Variants in SORCS3 observed in about 807,000 individuals in gnomAD.
SORCS3 encodes the protein VPS10 domain-containing receptor SorCS3.
Under a neutral mutation model 146.3 loss-of-function variants are expected in SORCS3, and 57 were observed. The observed-to-expected ratio is 0.39, with a 90% CI of 0.31 to 0.49. SORCS3 has a LOEUF of 0.49. Among genes scored for constraint, SORCS3 ranks in the 20% least tolerant of loss-of-function variants. The pLI, the probability that SORCS3 is intolerant of heterozygous loss-of-function variation, is 0.92. For synonymous variants in SORCS3, 653 were observed against 618.5 expected (o/e 1.06, Z -0.83); for missense variants, 1,341 against 1,575.5 (o/e 0.85, Z 2.52).
At chr10:104,753,347 T>C (rs990604907) in intron 1 of SORCS3, among the ~76,000 whole-genome samples, 1 of 152,212 alleles carries the variant, frequency 6.6e-6, no homozygotes, top group African/African-American at 2.4e-5. Context: ...AATGTTCGTG[T>C]CAAGAAATAT....
At chr10:105,213,893 G>A (rs1208802259) in intron 17 of SORCS3, among the ~76,000 whole-genome samples, 2 of 152,140 alleles carry the variant, frequency 1.3e-5, no homozygotes, top group East Asian at 3.9e-4. Flanking sequence ...AAACAGCCCA[G>A]TGGCTCCACA....
At chr10:105,097,737 C>G (rs980650841) in intron 6 of SORCS3, among the ~76,000 whole-genome samples, 5 of 152,056 alleles carry the variant, frequency 3.3e-5, no homozygotes, top group Non-Finnish European at 7.4e-5. Flanking sequence ...GTTCAATGAA[C>G]AAAGCAGTAA....
intron 8 of SORCS3, among the ~76,000 whole-genome samples, chr10:105,140,297 C>T (rs115484627): frequency 2.4e-4 from 37 of 152,122 alleles, no homozygotes; most frequent in African/African-American, 8.9e-4. Context: ...TTTCCTACCC[C>T]CAGTTGTTAT....
chr10:104,861,246 T>C (rs752863221), intron 2 of SORCS3, among the ~76,000 whole-genome samples: 14 of 152,204 alleles, frequency 9.2e-5, no homozygotes, highest in Non-Finnish European at 1.5e-4. Flanking sequence ...TGGGAGTCTC[T>C]GTACAGAGAA....
chr10:104,921,515 G>C (rs1302738863), intron 3 of SORCS3, among the ~76,000 whole-genome samples: 7 of 151,838 alleles, frequency 4.6e-5, no homozygotes, highest in Admixed American at 6.6e-5. Context: ...GTGTGTGTGT[G>C]TGTGTGTGTG....
chr10:105,102,853 G>A (rs1176097416), intron 6 of SORCS3, among the ~76,000 whole-genome samples: 1 of 140,112 alleles, frequency 7.1e-6, no homozygotes, highest in South Asian at 2.3e-4. Flanking sequence ...ACCGTGGCGC[G>A]ATCTCGGCTC....
chr10:105,256,345 G>C (rs1180867980), intron 24 of SORCS3, among the ~76,000 whole-genome samples: 1 of 152,180 alleles, frequency 6.6e-6, no homozygotes, highest in East Asian at 1.9e-4. Context: ...TTATTAAATG[G>C]TTCTTAATAA....
chr10:104,863,933 A>C (rs1284974760), intron 2 of SORCS3, among the ~76,000 whole-genome samples: 1 of 152,224 alleles, frequency 6.6e-6, no homozygotes, highest in Non-Finnish European at 1.5e-5. Flanking sequence ...ATTTTGAAGC[A>C]GTTGCCAGAT....
chr10:104,738,720 G>A (rs1430005616), intron 1 of SORCS3, among the ~76,000 whole-genome samples: 5 of 152,154 alleles, frequency 3.3e-5, no homozygotes, highest in African/African-American at 9.7e-5. Context: ...TGGCTTTCAG[G>A]TCACAGACAA....
intron 7 of SORCS3, among the ~76,000 whole-genome samples, chr10:105,122,221 T>C (rs996416363): frequency 2.0e-5 from 3 of 152,200 alleles, no homozygotes; most frequent in African/African-American, 7.2e-5. Context: ...TTAGAGTATA[T>C]CTCTATGATT....
chr10:104,766,264 G>A (rs1236531509), intron 1 of SORCS3, among the ~76,000 whole-genome samples: 1 of 152,216 alleles, frequency 6.6e-6, no homozygotes, highest in Non-Finnish European at 1.5e-5. Context: ...GAGCAGAGCT[G>A]AGAAAGTGAT....
Position 105,265,039 on chromosome 10 carries a change from T to C in SORCS3, c.*1665T>C, listed in dbSNP as rs1230111078. 2.6e-5 allele frequency: 4 copies of C among 152,596 alleles called. No individual in the cohort carries two copies. Among genetic ancestry groups the C allele is most frequent in the South Asian group, 2.1e-4 (1 of 4,824 alleles). The allele number at this position is 152,596 out of a possible 1,614,324, so 9.5% of individuals were successfully genotyped here. On this transcript the variant is annotated 3_prime_UTR_variant, in exon 27 of 27. Transcript: ENST00000369701. ...GAATATTTCTAAAGATCCTGCTTTT[T>C]TGTTTCAAGGGTTAAATGGGGCAGA...
intron 1 of SORCS3, among the ~76,000 whole-genome samples, chr10:104,811,462 CT>C (rs2017739986): frequency 6.6e-6 from 1 of 152,200 alleles, no homozygotes; most frequent in African/African-American, 2.4e-5. Context: ...AGCTTTCACA[CT>C]TATTTTACAC....
chr10:104,923,098 C>A (rs946108714), intron 3 of SORCS3, among the ~76,000 whole-genome samples: 10 of 152,186 alleles, frequency 6.6e-5, no homozygotes, highest in African/African-American at 1.9e-4. Context: ...ACTTCCCTCC[C>A]AGGGCTTTCA....
chr10:104,864,334 A>C (rs2018437510), intron 2 of SORCS3, among the ~76,000 whole-genome samples: 1 of 152,134 alleles, frequency 6.6e-6, no homozygotes, highest in Non-Finnish European at 1.5e-5. Flanking sequence ...CTGGATCTCC[A>C]ATGTGCATGA....
intron 5 of SORCS3, among the ~76,000 whole-genome samples, chr10:105,045,578 G>A (rs191871056): frequency 5.3e-5 from 8 of 151,972 alleles, no homozygotes; most frequent in East Asian, 3.9e-4. Flanking sequence ...GCTCTAAACC[G>A]CTTATATTGA....
At chr10:104,936,084 A>C (rs535923731) in intron 3 of SORCS3, among the ~76,000 whole-genome samples, 1 of 143,036 alleles carries the variant, frequency 7.0e-6, no homozygotes, top group South Asian at 2.1e-4. Context: ...TTGCAAAAGC[A>C]AAAAATATTT....
At chr10:105,027,282 A>G (rs2791460) in intron 4 of SORCS3, among the ~76,000 whole-genome samples, 31,817 of 152,132 alleles carry the variant, frequency 0.21, 3,373 homozygotes, top group South Asian at 0.3. Flanking sequence ...AAACGATGCC[A>G]CTGGACTGTA....
At chr10:105,068,346 C>A (rs2055535135) in intron 5 of SORCS3, among the ~76,000 whole-genome samples, 1 of 152,178 alleles carries the variant, frequency 6.6e-6, no homozygotes, top group Admixed American at 6.5e-5. Context: ...CAGGGTCCAG[C>A]CGCTCACACC....
Sources: allele counts gnomAD v4.1 joint callset (sites outside exome capture counted in the v4.1 genomes callset), GRCh38; gene constraint gnomAD v4.1.1; transcripts MANE v1.5; gene names NCBI Gene and HGNC (gene_info 2026-07-23, HGNC 2026-07-21).